Variants in CFAP77 observed in about 807,000 individuals in gnomAD.
CFAP77 encodes cilia- and flagella-associated protein 77.
Under a neutral mutation model 31.1 loss-of-function variants are expected in CFAP77, and 25 were observed. The ratio of observed to expected loss-of-function variants is 0.80; its 90% CI spans 0.59 to 1.12. CFAP77 has a LOEUF of 1.12. Ranked by LOEUF, CFAP77 falls within the 50% of genes most tolerant of loss-of-function variation. The pLI, the probability that CFAP77 is intolerant of heterozygous loss-of-function variation, is 0.00. For synonymous variants in CFAP77, 151 were observed against 159.9 expected, an observed-to-expected ratio of 0.94 and a Z score of 0.42; for missense variants, 377 against 397.3, an observed-to-expected ratio of 0.95 and a Z score of 0.44.
rs57721919 is a variant in CFAP77 at position 132,494,910 on chromosome 9, T to C, written c.196-3785T>C. On this transcript the variant is annotated intron_variant, in intron 1 of 5. Transcript: ENST00000393216. ...TTGATTTGTAGTAACTCTTTATATA[T>C]TATGGATAAGACTACTTTATTATGG... Among the ~76,000 whole-genome samples the C allele has an allele frequency of 3.2e-4, 49 of 152,344 alleles. No homozygotes were observed. In the East Asian group the frequency reaches 8.9e-3, roughly 28 times the overall value.
chr9:132,456,808 T>G (rs1382404295), intron 1 of CFAP77, among the ~76,000 whole-genome samples: 2 of 151,896 alleles, frequency 1.3e-5, no homozygotes, highest in Non-Finnish European at 2.9e-5. Flanking sequence ...TGGAGTGCAG[T>G]GGTGCAATCT....
rs904969586 is a variant in CFAP77, at chr9:132,564,369, C to A, written c.733-8019C>A. ...TACAAAGCAAAACCTCAATAAATACCAAAAGGTCTGACTTGTGAGGATTAC... is the reference window on the plus strand; with the variant it reads ...TACAAAGCAAAACCTCAATAAATACAAAAAGGTCTGACTTGTGAGGATTAC... On this transcript the variant is annotated intron_variant, in intron 5 of 5. Transcript: ENST00000393216. This position sits in a 1 kb window ranked among gnomAD's most constrained non-coding sequence, Gnocchi z 4.6. Among the ~76,000 whole-genome samples, 1 of 152,080 alleles carries A rather than the reference C, an allele frequency of 6.6e-6. No homozygotes were observed. The highest frequency in any genetic ancestry group is 2.4e-5 in the African/African-American group (1 of 41,412).
chr9:132,568,316 A>G (rs573368338), intron 5 of CFAP77, among the ~76,000 whole-genome samples: 1 of 152,356 alleles, frequency 6.6e-6, no homozygotes, highest in South Asian at 2.1e-4. Context: ...ACACTTTGGG[A>G]GGCCGAGGCG....
At chr9:132,433,510 G>T (rs1378124713) in intron 1 of CFAP77, among the ~76,000 whole-genome samples, 1 of 151,016 alleles carries the variant, frequency 6.6e-6, no homozygotes, top group African/African-American at 2.4e-5. Flanking sequence ...ACTTCACTAC[G>T]CTCCCCACAC....
At chr9:132,531,202 C>G (rs1009515304) in intron 3 of CFAP77, among the ~76,000 whole-genome samples, 1 of 152,208 alleles carries the variant, frequency 6.6e-6, no homozygotes, top group Non-Finnish European at 1.5e-5. Flanking sequence ...CCTTCCCTCC[C>G]GCCATGTGTC....
At chr9:132,469,640 A>C (rs899827934) in intron 1 of CFAP77, among the ~76,000 whole-genome samples, 17 of 152,176 alleles carry the variant, frequency 1.1e-4, no homozygotes, top group South Asian at 4.1e-4. Flanking sequence ...TTTCAAAAAA[A>C]GTATTTCATT....
At chr9:132,445,479 C>G (rs755034010) in intron 1 of CFAP77, among the ~76,000 whole-genome samples, 10 of 152,130 alleles carry the variant, frequency 6.6e-5, no homozygotes, top group Non-Finnish European at 1.5e-4. Context: ...TGTATTCATT[C>G]CTCTGTTGAA....
chr9:132,550,208 G>C (rs543635628), intron 5 of CFAP77, among the ~76,000 whole-genome samples: 35 of 152,318 alleles, frequency 2.3e-4, no homozygotes, highest in African/African-American at 8.2e-4. Context: ...AGCTCCAGAG[G>C]CTTTTCTGTC....
intron 1 of CFAP77, among the ~76,000 whole-genome samples, chr9:132,482,791 G>A: frequency 8.2e-6 from 1 of 122,544 alleles, no homozygotes; most frequent in African/African-American, 3.2e-5. Context: ...ATCACACTCT[G>A]GGGACTGTTG....
intron 1 of CFAP77, among the ~76,000 whole-genome samples, chr9:132,416,329 A>ATTTTTTTTT (rs71503303): frequency 5.0e-5 from 3 of 60,274 alleles, no homozygotes; most frequent in Admixed American, 2.7e-4. Flanking sequence ...TTCTTATCTG[A>ATTTTTTTTT]TTTTTTTTTT....
chr9:132,566,119 G>A (rs576979061), intron 5 of CFAP77, among the ~76,000 whole-genome samples: 1 of 152,218 alleles, frequency 6.6e-6, no homozygotes, highest in African/African-American at 2.4e-5. Context: ...CCACAGAAGG[G>A]CTTGAGGCCT....
intron 1 of CFAP77, among the ~76,000 whole-genome samples, chr9:132,483,935 TC>T (rs373930991): frequency 6.9e-6 from 1 of 145,278 alleles, no homozygotes; most frequent in Admixed American, 6.8e-5. Context: ...GGAGGTATTG[TC>T]TTTTTTTTTT....
chr9:132,548,690 C>T (rs957612962), intron 5 of CFAP77, among the ~76,000 whole-genome samples: 1 of 151,508 alleles, frequency 6.6e-6, no homozygotes, highest in African/African-American at 2.4e-5. Context: ...GGGGGGGTCT[C>T]CACATTCCCC....
At chr9:132,538,624 A>C (rs1464715781) in intron 4 of CFAP77, among the ~76,000 whole-genome samples, 1 of 152,176 alleles carries the variant, frequency 6.6e-6, no homozygotes, top group African/African-American at 2.4e-5. Flanking sequence ...CTAAAAATAC[A>C]AAAATTAGCT....
At chr9:132,438,539 A>ATT (rs1165427680) in intron 1 of CFAP77, among the ~76,000 whole-genome samples, 3 of 115,448 alleles carry the variant, frequency 2.6e-5, no homozygotes, top group Non-Finnish European at 5.1e-5. Flanking sequence ...ATATATATAT[A>ATT]TATTTTTTTT....
chr9:132,524,438 A>G (rs1321840681), intron 3 of CFAP77, among the ~76,000 whole-genome samples: 1 of 146,684 alleles, frequency 6.8e-6, no homozygotes, highest in Non-Finnish European at 1.5e-5. Flanking sequence ...TGTCTCTACT[A>G]AAAAAAAAAT....
In CFAP77 at chr9:132,495,846, C is replaced by T. The variant is rs975706502; in HGVS notation, c.196-2849C>T. ...CTAACTCTATCTCTGCTCTCTGCCA[C>T]GTGAAGATACAACAAGAAGGCGGCC... is the stretch of plus-strand genomic sequence containing the variant. On this transcript the variant is annotated intron_variant, in intron 1 of 5. Coordinates refer to ENST00000393216, the MANE Select transcript of CFAP77 (RefSeq NM_001282957.2). This position sits in a 1 kb window ranked among gnomAD's most constrained non-coding sequence, Gnocchi z 4.2. Among the ~76,000 whole-genome samples the T allele has an allele frequency of 5.3e-5, 8 of 152,312 alleles. No individual in the cohort carries two copies. The highest frequency in any genetic ancestry group is 1.3e-4 in the Admixed American group (2 of 15,302).
At chr9:132,434,223 AT>A (rs1850466106) in intron 1 of CFAP77, among the ~76,000 whole-genome samples, 1 of 152,014 alleles carries the variant, frequency 6.6e-6, no homozygotes. Context: ...TCCAGACCCC[AT>A]CCCCGCTCTG....
At chr9:132,540,930 A>C (rs1852629646) in intron 4 of CFAP77, among the ~76,000 whole-genome samples, 1 of 152,160 alleles carries the variant, frequency 6.6e-6, no homozygotes, top group African/African-American at 2.4e-5. Flanking sequence ...CACTTAGCGC[A>C]TAGCAGGCAC....
Sources: gnomAD v4.1 joint callset for allele counts (sites outside exome capture counted in the v4.1 genomes callset) on GRCh38, gnomAD v4.1.1 for gene constraint, Gnocchi (gnomAD v3.1) non-coding constraint, MANE v1.5 for transcripts, NCBI Gene and HGNC (gene_info 2026-07-23, HGNC 2026-07-21) for gene names.